ATP8B4: variants seen among roughly 807,000 people sequenced by gnomAD.
ATP8B4 encodes probable phospholipid-transporting ATPase IM.
Under a neutral mutation model 145.6 loss-of-function variants are expected in ATP8B4, and 133 were observed. That is an observed-to-expected ratio of 0.91 (90% CI 0.79 to 1.05). ATP8B4 has a LOEUF of 1.05. Ranked by LOEUF, ATP8B4 falls within the 50% of genes least tolerant of loss-of-function variation. ATP8B4 has a pLI of 0.00. For missense variants in ATP8B4, 1,458 were observed against 1,425.2 expected (o/e 1.02, Z -0.37); for synonymous variants, 507 against 492.9 (o/e 1.03, Z -0.38).
intron 1 of ATP8B4, among the ~76,000 whole-genome samples, chr15:50,176,582 G>C (rs2044765900): frequency 6.6e-6 from 1 of 151,810 alleles, no homozygotes; most frequent in African/African-American, 2.4e-5. Context: ...ATCCAAAAAA[G>C]AGTACATTGT....
rs900092178 is a variant in ATP8B4, at chr15:49,891,428, C to T, written c.2697+5864G>A. 5.3e-5 allele frequency among the ~76,000 whole-genome samples: 8 copies of T among 152,042 alleles called. No individual in the cohort carries two copies. The East Asian group carries it at 5.8e-4, about 11-fold the overall frequency. On this transcript the variant is annotated intron_variant, in intron 23 of 27. Coordinates refer to ENST00000284509, the MANE Select transcript of ATP8B4 (RefSeq NM_024837.4). ...GCAACCTCCACCTCCCAGGTTCAAGCGATTCTCCTACCTCAGCCTCCTAAG... is the reference window on the plus strand; with the variant it reads ...GCAACCTCCACCTCCCAGGTTCAAGTGATTCTCCTACCTCAGCCTCCTAAG...
intron 6 of ATP8B4, among the ~76,000 whole-genome samples, chr15:50,033,157 C>T (rs1246320732): frequency 6.6e-6 from 1 of 152,096 alleles, no homozygotes; most frequent in African/African-American, 2.4e-5. Flanking sequence ...CCTTCCTTTC[C>T]CCATAATACA....
intron 14 of ATP8B4, among the ~76,000 whole-genome samples, chr15:49,952,894 T>TTTGTTTTTG (rs959762536): frequency 6.6e-6 from 1 of 151,814 alleles, no homozygotes; most frequent in Non-Finnish European, 1.5e-5. Context: ...GTGGGGGCCT[T>TTTGTTTTTG]TTGTTGTTGT....
At chr15:50,021,542 C>A (rs866604345) in intron 6 of ATP8B4, among the ~76,000 whole-genome samples, 2 of 152,096 alleles carry the variant, frequency 1.3e-5, no homozygotes, top group Admixed American at 1.3e-4. Flanking sequence ...TACCCAAGAT[C>A]TTGGCATGGC....
intron 2 of ATP8B4, among the ~76,000 whole-genome samples, chr15:50,090,210 G>C (rs2055513983): frequency 6.6e-6 from 1 of 152,004 alleles, no homozygotes; most frequent in South Asian, 2.1e-4. Context: ...TGGGGCCTGT[G>C]GGGTAGGGGA....
chr15:49,879,056 A>G (rs772912372), intron 24 of ATP8B4, among the ~76,000 whole-genome samples: 4 of 152,248 alleles, frequency 2.6e-5, no homozygotes, highest in Non-Finnish European at 5.9e-5. Flanking sequence ...CAGTCATAGA[A>G]GTTTGGGAAA....
chr15:50,130,973 G>A (rs1231525625), intron 1 of ATP8B4, among the ~76,000 whole-genome samples: 2 of 152,102 alleles, frequency 1.3e-5, no homozygotes, highest in African/African-American at 4.8e-5. Context: ...GGAGTTCTCA[G>A]GAAACTTACA....
intron 13 of ATP8B4, among the ~76,000 whole-genome samples, chr15:49,966,609 C>T (rs773013454): frequency 2.0e-5 from 3 of 152,192 alleles, no homozygotes; most frequent in African/African-American, 7.2e-5. Context: ...AGAAAGGCAG[C>T]GGCCCCAGTC....
chr15:49,879,340 GAGA>G (rs2035018045), intron 24 of ATP8B4, 33 bp downstream of exon 24: 2 of 1,553,226 alleles, frequency 1.3e-6, no homozygotes, highest in Non-Finnish European at 1.8e-6. Flanking sequence ...AGGCATAAAA[GAGA>G]AACTAAGTTA....
At chr15:50,100,157 C>T (rs1004861071) in intron 2 of ATP8B4, among the ~76,000 whole-genome samples, 2 of 151,972 alleles carry the variant, frequency 1.3e-5, no homozygotes, top group Admixed American at 6.6e-5. Flanking sequence ...CAAATTTTCA[C>T]ACACATCATC....
At chr15:50,079,620 G>A (rs541890128) in intron 2 of ATP8B4, among the ~76,000 whole-genome samples, 15 of 152,090 alleles carry the variant, frequency 9.9e-5, no homozygotes, top group Non-Finnish European at 1.9e-4. Flanking sequence ...TTGATATAAA[G>A]AACATAAAAT....
rs557294548 is a variant in ATP8B4 at position 50,103,686 on chromosome 15, C to T, written c.28+3253G>A. Among the ~76,000 whole-genome samples the T allele has an allele frequency of 2.0e-5, 3 of 152,160 alleles. No homozygotes were observed. In the South Asian group the frequency reaches 6.2e-4, roughly 32 times the overall value. ...AGCAATCTACAAATTCAATGCAATT[C>T]CCATCAAAATACCAACATCATTTTT... On this transcript the variant is annotated intron_variant, in intron 2 of 27. Coordinates refer to ENST00000284509, the MANE Select transcript of ATP8B4 (RefSeq NM_024837.4).
chr15:49,967,173 C>CA (rs1233193422), intron 13 of ATP8B4, among the ~76,000 whole-genome samples: 1 of 152,112 alleles, frequency 6.6e-6, no homozygotes, highest in East Asian at 1.9e-4. Flanking sequence ...AAAACCAGTG[C>CA]AAAAAAGCTG....
intron 2 of ATP8B4, among the ~76,000 whole-genome samples, chr15:50,082,435 G>A (rs1280501641): frequency 6.6e-6 from 1 of 152,182 alleles, no homozygotes; most frequent in Non-Finnish European, 1.5e-5. Flanking sequence ...TGGAAACAAA[G>A]TTAGGGGAGT....
rs758516378 is a variant in ATP8B4, at chr15:49,862,267, A to G, written c.3275T>C (p.Leu1092Ser). 9.3e-6 allele frequency: 15 copies of G among 1,613,630 alleles called. No individual in the cohort carries two copies. The South Asian group carries it at 1.6e-4, about 18-fold the overall frequency. ...TACCTGATCACTCAGGGTTGGGTAT[A>G]AATCCACCTTCAAAAATCTGAATGC... ...VVAFRFLKVDLYPTLSDQIRR... is the reference protein window; with the variant it reads ...VVAFRFLKVDSYPTLSDQIRR... The change falls in exon 27 of 28, where the codon TTA becomes TCA. Residue 1092 changes from leucine to serine, a missense_variant. Transcript: ENST00000284509.
chr15:50,091,507 T>G (rs1028736455), intron 2 of ATP8B4, among the ~76,000 whole-genome samples: 5 of 152,216 alleles, frequency 3.3e-5, no homozygotes, highest in Non-Finnish European at 7.4e-5. Context: ...AAAATGCATT[T>G]GGAAATATGT....
At chr15:49,957,993 CA>C (rs1252065377) in intron 14 of ATP8B4, among the ~76,000 whole-genome samples, 3 of 151,566 alleles carry the variant, frequency 2.0e-5, no homozygotes, top group East Asian at 3.9e-4. Flanking sequence ...ACATTAATAA[CA>C]ATTAACCTTA....
At chr15:50,152,753 C>T (rs543347677) in intron 1 of ATP8B4, among the ~76,000 whole-genome samples, 1 of 152,282 alleles carries the variant, frequency 6.6e-6, no homozygotes, top group East Asian at 1.9e-4. Context: ...ATTTCAAACG[C>T]AACACAGAAA....
chr15:49,876,388 G>C lies in ATP8B4; in HGVS notation c.2917C>G (p.Pro973Ala). 9.3e-6 allele frequency: 15 copies of C among 1,614,094 alleles called. No individual in the cohort carries two copies. The highest frequency in any genetic ancestry group is 2.7e-5 in the African/African-American group (2 of 75,054). The change falls in exon 25 of 28, where the codon CCC becomes GCC. Residue 973 changes from proline to alanine, a missense_variant. Physicochemically the swap from Pro to Ala is conservative, Grantham distance 27. Transcript: ENST00000284509. ...IYTSLVLFFI[P>A]YGAFYNVAGE... ...GCCACGTTGTAAAAGGCCCCATAGGGGATGAAGAAAAGGACTAATGAGGTG... is the reference window on the plus strand; with the variant it reads ...GCCACGTTGTAAAAGGCCCCATAGGCGATGAAGAAAAGGACTAATGAGGTG...
Sources: gnomAD v4.1 joint callset for allele counts (sites outside exome capture counted in the v4.1 genomes callset) on GRCh38, gnomAD v4.1.1 for gene constraint, MANE v1.5 for transcripts, NCBI Gene and HGNC (gene_info 2026-07-23, HGNC 2026-07-21) for gene names.